Variants in MTFR1 observed in about 807,000 individuals in gnomAD.
MTFR1 encodes the protein chondrocyte protein with a poly-proline region.
MTFR1 carries 28 observed loss-of-function variants against 38.8 expected under a neutral mutation model. The observed-to-expected ratio is 0.72, with a 90% confidence interval of 0.53 to 0.99. The LOEUF is 0.99. Ranked by LOEUF, MTFR1 falls within the 50% of genes least tolerant of loss-of-function variation. MTFR1 has a pLI of 0.00. For missense variants in MTFR1, 358 were observed against 395.5 expected (o/e 0.91, Z 0.81); for synonymous variants, 145 against 137.0 (o/e 1.06, Z -0.41).
chr8:65,708,515 G>T (rs955804235), intron 7 of MTFR1, among the ~76,000 whole-genome samples: 1 of 152,212 alleles, frequency 6.6e-6, no homozygotes, highest in Non-Finnish European at 1.5e-5. Flanking sequence ...CATGTCAAAG[G>T]TGGAGACTGG....
At chr8:65,756,240 G>A (rs1000262914) in intron 3 of MTFR1, among the ~76,000 whole-genome samples, 1 of 152,090 alleles carries the variant, frequency 6.6e-6, no homozygotes, top group African/African-American at 2.4e-5. Flanking sequence ...GTCTCAGTGT[G>A]GATTTCTGAG....
intron 3 of MTFR1, among the ~76,000 whole-genome samples, chr8:65,692,583 G>C (rs1297585853): frequency 6.6e-6 from 1 of 151,236 alleles, no homozygotes; most frequent in African/African-American, 2.4e-5. Flanking sequence ...CAAGTGATCC[G>C]CCTGCCTTGG....
chr8:65,723,613 C>A, intron 3 of MTFR1: 1 of 1,553,314 alleles, frequency 6.4e-7, no homozygotes, highest in East Asian at 2.3e-5. Flanking sequence ...TATTTTTTTT[C>A]TATATCTCCT....
In MTFR1 at chr8:65,684,326, T is replaced by C. The variant is rs1805002592; in HGVS notation, c.165+1875T>C. Among the ~76,000 whole-genome samples the C allele has an allele frequency of 1.3e-5, 2 of 152,048 alleles. 1 individual carries two copies. Among genetic ancestry groups the C allele is most frequent in the African/African-American group, 4.8e-5 (2 of 41,410 alleles). ...GAAACATTGATGACCTACTTGAGAA[T>C]GTAGTGAGAGACGGAAGCCATTTGT... is the stretch of plus-strand genomic sequence containing the variant. On this transcript the variant is annotated intron_variant, in intron 3 of 7. Transcript: ENST00000262146.
intron 1 of MTFR1, among the ~76,000 whole-genome samples, chr8:65,645,697 C>T (rs945118655): frequency 2.3e-5 from 3 of 129,472 alleles, no homozygotes; most frequent in African/African-American, 8.5e-5. Flanking sequence ...GGCTTTCCCC[C>T]CCCCCCCCCT....
chr8:65,673,309 C>G (rs1446997498), intron 2 of MTFR1, among the ~76,000 whole-genome samples: 1 of 152,020 alleles, frequency 6.6e-6, no homozygotes, highest in East Asian at 1.9e-4. Flanking sequence ...CTTACATGTG[C>G]TTGGTTCATG....
At chr8:65,758,043 C>T (rs1253203450) in intron 3 of MTFR1, among the ~76,000 whole-genome samples, 1 of 152,230 alleles carries the variant, frequency 6.6e-6, no homozygotes, top group Non-Finnish European at 1.5e-5. Context: ...AATGTTTCCA[C>T]ATTTGGAAGG....
At chr8:65,764,699 T>C (rs1373929724) in intron 3 of MTFR1, among the ~76,000 whole-genome samples, 2 of 152,228 alleles carry the variant, frequency 1.3e-5, no homozygotes, top group Non-Finnish European at 2.9e-5. Flanking sequence ...TATGAGCTTT[T>C]AAGAAACATC....
chr8:65,676,214 G>C (rs1804703470), intron 2 of MTFR1, among the ~76,000 whole-genome samples: 1 of 151,990 alleles, frequency 6.6e-6, no homozygotes, highest in Admixed American at 6.6e-5. Context: ...CATTTTGTTG[G>C]GTCCTAACTT....
chr8:65,708,309 A>C, intron 7 of MTFR1: 2 of 452,364 alleles, frequency 4.4e-6, no homozygotes, highest in Admixed American at 7.1e-5. Context: ...CTCACTACTA[A>C]GTAATCTCCA....
At chr8:65,761,759 G>A (rs1035830077) in intron 3 of MTFR1, among the ~76,000 whole-genome samples, 1 of 152,198 alleles carries the variant, frequency 6.6e-6, no homozygotes, top group African/African-American at 2.4e-5. Context: ...CAAAAAGTGG[G>A]ATAGCAGACG....
At chr8:65,661,058 G>A (rs1471768472) in intron 1 of MTFR1, among the ~76,000 whole-genome samples, 2 of 152,204 alleles carry the variant, frequency 1.3e-5, no homozygotes, top group African/African-American at 4.8e-5. Flanking sequence ...GATGCCAGGG[G>A]TTGGGAAGGA....
At chr8:65,668,950 T>C (rs1274547744) in intron 1 of MTFR1, among the ~76,000 whole-genome samples, 1 of 152,224 alleles carries the variant, frequency 6.6e-6, no homozygotes, top group Non-Finnish European at 1.5e-5. Context: ...CTGTCAGATA[T>C]ACAGTAGATT....
Position 65,695,398 on chromosome 8 carries a change from TG to T in MTFR1, c.281+1640del, listed in dbSNP as rs1805408919. On this transcript the variant is annotated intron_variant, in intron 4 of 7. Coordinates refer to ENST00000262146, the MANE Select transcript of MTFR1 (RefSeq NM_014637.4). Reference sequence around the variant, plus strand: ...ATGGAGCCTCACTTGGTTGCCCGAGTGAGGCTGGAGTGCAGTGGTGCGATCT... The same window carrying T: ...ATGGAGCCTCACTTGGTTGCCCGAGTAGGCTGGAGTGCAGTGGTGCGATCT... 2.0e-5 allele frequency among the ~76,000 whole-genome samples: 3 copies of T among 152,052 alleles called. No individual in the cohort carries two copies. The South Asian group carries it at 6.2e-4, about 32-fold the overall frequency.
chr8:65,665,656 T>C (rs1306292530), intron 1 of MTFR1, among the ~76,000 whole-genome samples: 1 of 152,220 alleles, frequency 6.6e-6, no homozygotes, highest in Non-Finnish European at 1.5e-5. Context: ...CCAGCCACTT[T>C]ATGTTTGTTG....
chr8:65,736,993 C>T (rs893285221), intron 3 of MTFR1, among the ~76,000 whole-genome samples: 1 of 150,196 alleles, frequency 6.7e-6, no homozygotes, highest in African/African-American at 2.4e-5. Flanking sequence ...AGTGATTCTC[C>T]TGCCTCAGCC....
intron 3 of MTFR1, among the ~76,000 whole-genome samples, chr8:65,763,876 T>C (rs1048679415): frequency 2.6e-5 from 4 of 152,218 alleles, no homozygotes; most frequent in African/African-American, 9.6e-5. Context: ...GTATTAAGAT[T>C]AAGGTCCAAT....
At chr8:65,698,247 C>G (rs1457046484) in intron 4 of MTFR1, among the ~76,000 whole-genome samples, 2 of 150,994 alleles carry the variant, frequency 1.3e-5, no homozygotes, top group Non-Finnish European at 2.9e-5. Flanking sequence ...CTCCTGGGCT[C>G]AAGCGATCCT....
chr8:65,737,959 A>G (rs918240218), intron 3 of MTFR1, among the ~76,000 whole-genome samples: 1 of 152,250 alleles, frequency 6.6e-6, no homozygotes, highest in Admixed American at 6.5e-5. Flanking sequence ...GATTTTAAAA[A>G]GGATATCAAA....
Sources: gnomAD v4.1 joint callset for allele counts (sites outside exome capture counted in the v4.1 genomes callset) on GRCh38, gnomAD v4.1.1 for gene constraint, MANE v1.5 for transcripts, NCBI Gene and HGNC (gene_info 2026-07-23, HGNC 2026-07-21) for gene names.